The following MIGA2 variants were observed in gnomAD, a reference collection of about 807,000 sequenced individuals.
The protein encoded by MIGA2 is family with sequence similarity 73, member B.
Under a neutral mutation model 69.9 loss-of-function variants are expected in MIGA2, and 36 were observed. The observed-to-expected ratio is 0.52, with a 90% CI of 0.39 to 0.68. The LOEUF is 0.68. MIGA2 is among the 30% of genes least tolerant of loss of function. The pLI, the probability that MIGA2 is intolerant of heterozygous loss-of-function variation, is 0.00. For synonymous variants in MIGA2, 333 were observed against 349.2 expected (o/e 0.95, Z 0.52); for missense variants, 660 against 787.7 (o/e 0.84, Z 1.94).
At chr9:129,043,251 A>G (rs1441652280) in intron 3 of MIGA2, among the ~76,000 whole-genome samples, 2 of 152,134 alleles carry the variant, frequency 1.3e-5, no homozygotes, top group Non-Finnish European at 2.9e-5. Context: ...ACTTTTTAGC[A>G]TACTATTCTG....
At chr9:129,051,734 C>T (rs112544742) in intron 6 of MIGA2, among the ~76,000 whole-genome samples, 2 of 150,744 alleles carry the variant, frequency 1.3e-5, no homozygotes, top group African/African-American at 4.9e-5. Context: ...GTAGCTGGGA[C>T]TACAGGTGCC....
In MIGA2 at chr9:129,061,263, G is replaced by T. The variant is rs769104486; in HGVS notation, c.927G>T (p.Pro309=). Residue 309 remains proline (P), a synonymous_variant, in exon 9 of 16, where the codon CCG becomes CCT. Transcript: ENST00000684074. The surrounding 1 kb of genome is among the most constrained non-coding windows in gnomAD (Gnocchi z 5.0). ...AGTCCCTGCAGACTGGAGATTACCCGATCCCACTCTCCAGACCCGCCGCTG... is the reference window on the plus strand; with the variant it reads ...AGTCCCTGCAGACTGGAGATTACCCTATCCCACTCTCCAGACCCGCCGCTG... ...LFESLQTGDY[P]IPLSRPAAAY... is the part of the protein sequence containing the mutation. The T allele has an allele frequency of 6.2e-7, 1 of 1,610,930 alleles. No individual in the cohort carries two copies. Among genetic ancestry groups the T allele is most frequent in the African/African-American group, 1.3e-5 (1 of 74,844 alleles).
At position 129,068,964 on chromosome 9, in the gene MIGA2, G is replaced by A; in HGVS notation, c.1405-112G>A. On this transcript the variant is annotated intron_variant, in intron 13 of 15. Transcript: ENST00000684074. This position sits in a 1 kb window ranked among gnomAD's most constrained non-coding sequence, Gnocchi z 4.1. ...CTTAGGCACCTGGCCCCATCTTCCT[G>A]CTTGGAGTGGGGTGAGCTGGGTTTA... is the stretch of plus-strand genomic sequence containing the variant. The A allele has an allele frequency of 8.0e-7, 1 of 1,246,838 alleles. No homozygotes were observed. Among genetic ancestry groups the A allele is most frequent in the Non-Finnish European group, 1.2e-6 (1 of 852,110 alleles). 77.2% of individuals were successfully genotyped at this position (1,246,838 alleles called of 1,614,324 possible).
At chr9:129,042,055 AGGGT>A in intron 2 of MIGA2, 1 of 529,998 alleles carries the variant, frequency 1.9e-6, no homozygotes, top group South Asian at 2.3e-5. Context: ...CTCATGACTG[AGGGT>A]GCTGGCCCCT....
intron 6 of MIGA2, among the ~76,000 whole-genome samples, chr9:129,051,692 G>A (rs1588388393): frequency 6.6e-6 from 1 of 151,350 alleles, no homozygotes; most frequent in Non-Finnish European, 1.5e-5. Flanking sequence ...TGCCTCCCAG[G>A]TTTACGCCAT....
chr9:129,063,290 C>G lies in MIGA2; in HGVS notation c.1057C>G (p.Leu353Val), dbSNP rs1387612144. The change falls in exon 10 of 16, where the codon CTG (leucine) becomes GTG (valine). Residue 353 changes from leucine (L) to valine (V), a missense_variant. Transcript: ENST00000684074. ...CYSDQDFLAK[L>V]HCVRQAFEGL... is the part of the protein sequence containing the mutation. ...CAGTGACCAGGACTTTCTGGCCAAG[C>G]TGCACTGTGTGCGGCAGGCCTTCGA... 81 of 1,614,012 alleles carry G rather than the reference C, an allele frequency of 5.0e-5. No homozygotes were observed. The highest frequency in any genetic ancestry group is 6.4e-5 in the Non-Finnish European group (76 of 1,180,016).
At position 129,069,622 on chromosome 9, in the gene MIGA2, A is replaced by C; in HGVS notation, c.1459-227A>C. 1.7e-6 allele frequency: 1 copy of C among 578,174 alleles called. No individual in the cohort carries two copies. Among genetic ancestry groups the C allele is most frequent in the South Asian group, 2.0e-5 (1 of 50,554 alleles). 35.8% of individuals were successfully genotyped at this position (578,174 alleles called of 1,614,324 possible). A position where few individuals can be genotyped will look rare whatever the true frequency, so the allele number is the denominator to read the frequency against. ...CACGTGCTCCAGGCACTTCCCGCGG[A>C]GCCACTATGGCCCCACCTCTTGCAG... On this transcript the variant is annotated intron_variant, in intron 14 of 15. Coordinates refer to ENST00000684074, the MANE Select transcript of MIGA2 (RefSeq NM_001329990.2). The surrounding 1 kb of genome is among the most constrained non-coding windows in gnomAD (Gnocchi z 4.9).
chr9:129,071,884 T>G lies in MIGA2; in HGVS notation c.*1431T>G, dbSNP rs1354291927. ...CTCCCCGCCCCCCATCCTGACATCC[T>G]GTTCTTTTGCACTTACCCTGTGCTG... On this transcript the variant is annotated 3_prime_UTR_variant, in exon 16 of 16. Transcript: ENST00000684074. 1 of 152,676 alleles carries G rather than the reference T, an allele frequency of 6.5e-6. No individual in the cohort carries two copies. Among genetic ancestry groups the G allele is most frequent in the Non-Finnish European group, 1.5e-5 (1 of 68,044 alleles). 9.5% of individuals were successfully genotyped at this position (152,676 alleles called of 1,614,324 possible).
rs1288220237 is a variant in MIGA2 at position 129,048,601 on chromosome 9, T to C, written c.420+62T>C. Reference sequence around the variant, plus strand: ...CCGGGCTTACCCCTGCTGAGGACTCTGCCCTCAGCAAGCTTATAGACTGGT... The same window carrying C: ...CCGGGCTTACCCCTGCTGAGGACTCCGCCCTCAGCAAGCTTATAGACTGGT... On this transcript the variant is annotated intron_variant, in intron 4 of 15. Transcript: ENST00000684074. 3.1e-6 allele frequency: 4 copies of C among 1,296,812 alleles called. No individual in the cohort carries two copies. The East Asian group carries it at 9.3e-5, about 30-fold the overall frequency. 80.3% of individuals were successfully genotyped at this position (1,296,812 alleles called of 1,614,324 possible). A position where few individuals can be genotyped will look rare whatever the true frequency, so the allele number is the denominator to read the frequency against.
At chr9:129,046,899 C>T (rs963279521) in intron 3 of MIGA2, among the ~76,000 whole-genome samples, 5 of 151,976 alleles carry the variant, frequency 3.3e-5, no homozygotes, top group Non-Finnish European at 5.9e-5. Context: ...CTGCCTCATC[C>T]TACCAAGTAG....
chr9:129,042,413 G>C lies in MIGA2; in HGVS notation c.206G>C (p.Arg69Pro), dbSNP rs376692910. The change falls in exon 3 of 16, where the codon CGG becomes CCG. Residue 69 changes from arginine to proline, a missense_variant. By Grantham distance (103) the Arg-to-Pro change is moderately radical. This residue lies in a region of MIGA2 where 386 missense variants were observed against 402.0 expected (regional missense o/e 0.96). Coordinates refer to ENST00000684074, the MANE Select transcript of MIGA2 (RefSeq NM_001329990.2). ...ALAAHQLKRR[R>P]RRKKQVGPEM... ...GCTGCCCACCAGCTGAAGAGGCGAC[G>C]GAGGAGGAAGAAGCAGGTTGGTCCC... The C allele has an allele frequency of 4.3e-6, 7 of 1,613,468 alleles. No individual in the cohort carries two copies. Among genetic ancestry groups the C allele is most frequent in the Non-Finnish European group, 5.9e-6 (7 of 1,179,964 alleles).
rs1277892542 is a variant in MIGA2, at chr9:129,059,469, G to A, written c.793+198G>A. ...GGTGTTCCCTTCTCCATGGCAGGCT[G>A]GAGCAGAGCTGAGGTGAGGCCCAGA... On this transcript the variant is annotated intron_variant, in intron 7 of 15. Transcript: ENST00000684074. This position sits in a 1 kb window ranked among gnomAD's most constrained non-coding sequence, Gnocchi z 5.6. 1.3e-5 allele frequency among the ~76,000 whole-genome samples: 2 copies of A among 152,216 alleles called. No individual in the cohort carries two copies. Among genetic ancestry groups the A allele is most frequent in the African/African-American group, 4.8e-5 (2 of 41,456 alleles).
intron 11 of MIGA2, among the ~76,000 whole-genome samples, chr9:129,066,195 T>C (rs917752719): frequency 1.3e-5 from 2 of 152,122 alleles, no homozygotes; most frequent in Non-Finnish European, 2.9e-5. Context: ...GTACTGAGCA[T>C]GTGAAGGGTA....
At chr9:129,056,965 T>C (rs1332510816) in intron 6 of MIGA2, among the ~76,000 whole-genome samples, 1 of 151,792 alleles carries the variant, frequency 6.6e-6, no homozygotes. Flanking sequence ...ACCTGGGAGT[T>C]GGAAGTTGCA....
intron 6 of MIGA2, among the ~76,000 whole-genome samples, chr9:129,055,916 A>G (rs764900095): frequency 6.6e-6 from 1 of 151,996 alleles, no homozygotes; most frequent in Non-Finnish European, 1.5e-5. Flanking sequence ...TAGGAGACCA[A>G]GGTGGGAGGA....
intron 1 of MIGA2, chr9:129,036,977 G>A (rs1844623911): frequency 1.0e-6 from 1 of 1,003,132 alleles, no homozygotes. Flanking sequence ...GATGGAAGGA[G>A]CAGGCGTGCG....
chr9:129,043,002 GA>G (rs1165537752), intron 3 of MIGA2, among the ~76,000 whole-genome samples: 2 of 152,162 alleles, frequency 1.3e-5, no homozygotes, highest in Non-Finnish European at 2.9e-5. Flanking sequence ...AGGCCATCCT[GA>G]ATAACACGGT....
At chr9:129,064,905 C>T (rs1280917561) in intron 11 of MIGA2, among the ~76,000 whole-genome samples, 5 of 151,822 alleles carry the variant, frequency 3.3e-5, no homozygotes, top group Admixed American at 2.6e-4. Context: ...ACCTCAACCT[C>T]CTGAGTAGCT....
chr9:129,049,443 G>A lies in MIGA2; in HGVS notation c.483G>A (p.Gly161=). 2 of 1,613,506 alleles carry A rather than the reference G, an allele frequency of 1.2e-6. No individual in the cohort carries two copies. The highest frequency in any genetic ancestry group is 1.7e-5 in the Admixed American group (1 of 59,882). The change falls in exon 5 of 16, where the codon GGG becomes GGA. Residue 161 remains glycine (G), a synonymous_variant. Transcript: ENST00000684074. ...GCTCGGGACTATGGGATGCCAGAGG[G>A]ATGGAGGAGTCTCTGACCACCAGCG... The part of the protein sequence containing the change: ...AACSGLWDAR[G]MEESLTTSDG...
Sources: allele counts gnomAD v4.1 joint callset (sites outside exome capture counted in the v4.1 genomes callset), GRCh38; gene constraint gnomAD v4.1.1; regional missense constraint gnomAD v4.1.1; non-coding constraint Gnocchi (gnomAD v3.1); transcripts MANE v1.5; gene names NCBI Gene and HGNC (gene_info 2026-07-23, HGNC 2026-07-21).